The following CCZ1B variants were observed in gnomAD, a reference collection of about 807,000 sequenced individuals.
CCZ1B encodes the protein CCZ1B vacuolar protein trafficking and biogenesis associated, also known as vacuolar fusion protein CCZ1 homolog B.
CCZ1B carries 25 observed loss-of-function variants against 58.8 expected under a neutral mutation model. The observed-to-expected ratio is 0.43, with a 90% confidence interval of 0.31 to 0.59. The LOEUF (loss-of-function observed/expected upper bound fraction) is 0.59. Among genes scored for constraint, CCZ1B ranks in the 20% least tolerant of loss-of-function variants. The pLI, the probability that CCZ1B is intolerant of heterozygous loss-of-function variation, is 0.12. For missense variants in CCZ1B, 180 were observed against 501.5 expected (o/e 0.36, Z 6.12); for synonymous variants, 66 against 173.2 (o/e 0.38, Z 4.86).
At chr7:6,818,617 CAAG>C (rs1438864768) in intron 7 of CCZ1B, among the ~76,000 whole-genome samples, 4 of 92,454 alleles carry the variant, frequency 4.3e-5, no homozygotes, top group Admixed American at 1.4e-4. Context: ...GAAAGAAAGA[CAAG>C]AAAGAAAGAA....
At chr7:6,811,896 G>T in intron 10 of CCZ1B, 56 bp downstream of exon 10, 1 of 1,586,928 alleles carries the variant, frequency 6.3e-7, no homozygotes, top group Non-Finnish European at 8.6e-7. Context: ...GTGTACACAT[G>T]CAAGAAAGAT....
rs77830813 is a variant in CCZ1B, at chr7:6,811,730, A to T, written c.954+222T>A. The T allele has an allele frequency of 5.4e-5, 29 of 535,624 alleles. 1 individual carries two copies. Among genetic ancestry groups the T allele is most frequent in the Non-Finnish European group, 9.0e-5 (28 of 311,156 alleles). The allele number at this position is 535,624 out of a possible 1,614,324, so 33.2% of individuals were successfully genotyped here. ...AGACTTCACACGTTTATAAATCACA[A>T]TCTTAAACAGTTCCTCTTTCACTAA... On this transcript the variant is annotated intron_variant, in intron 10 of 14. Coordinates refer to ENST00000316731, the MANE Select transcript of CCZ1B (RefSeq NM_198097.5).
intron 1 of CCZ1B, among the ~76,000 whole-genome samples, chr7:6,825,119 T>C (rs1226397882): frequency 6.6e-6 from 1 of 150,472 alleles, no homozygotes; most frequent in African/African-American, 2.5e-5. Flanking sequence ...CCAGGTTTCT[T>C]TCCTAGTGCT....
chr7:6,799,459 G>C (rs1161328817), intron 14 of CCZ1B, 180 bp from the exon 15 acceptor site: 1 of 233,182 alleles, frequency 4.3e-6, no homozygotes, highest in Non-Finnish European at 6.6e-6. Flanking sequence ...ACAGAGTCTT[G>C]CTCTGTCACC....
chr7:6,813,498 A>G (rs1258596128), intron 8 of CCZ1B, among the ~76,000 whole-genome samples: 1 of 149,190 alleles, frequency 6.7e-6, no homozygotes, highest in Non-Finnish European at 1.5e-5. Flanking sequence ...GGACCGCTTG[A>G]GCCCAAGAGT....
intron 7 of CCZ1B, among the ~76,000 whole-genome samples, chr7:6,816,930 T>G (rs1783011328): frequency 6.7e-6 from 1 of 148,406 alleles, no homozygotes. Context: ...AGCTAATTTT[T>G]TTTTTGCATT....
At chr7:6,822,879 AT>A (rs961905117) in intron 5 of CCZ1B, among the ~76,000 whole-genome samples, 1 of 146,062 alleles carries the variant, frequency 6.8e-6, no homozygotes, top group Non-Finnish European at 1.5e-5. Context: ...CTTTTATAAA[AT>A]TTTTTTGTAG....
Position 6,824,448 on chromosome 7 carries a change from T to C in CCZ1B, c.312+7A>G, listed in dbSNP as rs539555796. 1.9e-6 allele frequency: 3 copies of C among 1,605,038 alleles called. No homozygotes were observed. The East Asian group carries it at 6.7e-5, about 36-fold the overall frequency. On this transcript the variant is annotated splice_region_variant and intron_variant, in intron 3 of 14. Coordinates refer to ENST00000316731, the MANE Select transcript of CCZ1B (RefSeq NM_198097.5). ...ATTTCAGAAAGATACACTGTGTGTG[T>C]AAATACCATGACCATCCAGAAATTT...
chr7:6,824,638 A>C lies in CCZ1B; in HGVS notation c.218+2T>G. 1 of 1,612,398 alleles carries C rather than the reference A, an allele frequency of 6.2e-7. No individual in the cohort carries two copies. The highest frequency in any genetic ancestry group is 8.5e-7 in the Non-Finnish European group (1 of 1,179,684). On this transcript the variant is annotated splice_donor_variant, in intron 2 of 14. Transcript: ENST00000316731. LOFTEE classifies it high-confidence loss of function. Reference sequence around the variant, plus strand: ...CGCTAAAGGCACACTTAGAGGTATTACCTTGTAAACTGTACAATAGCTTCA... The same window carrying C: ...CGCTAAAGGCACACTTAGAGGTATTCCCTTGTAAACTGTACAATAGCTTCA...
Position 6,824,657 on chromosome 7 carries a change from A to G in CCZ1B, c.201T>C (p.Ala67=). 1 of 1,612,044 alleles carries G rather than the reference A, an allele frequency of 6.2e-7. No individual in the cohort carries two copies. Among genetic ancestry groups the G allele is most frequent in the Non-Finnish European group, 8.5e-7 (1 of 1,179,614 alleles). Residue 67 remains alanine, a synonymous_variant, in exon 2 of 15, where the codon GCT becomes GCC. Transcript: ENST00000316731. ...EKIRNVGLCE[A]IVQFTRTFSP... ...GGTATTACCTTGTAAACTGTACAAT[A>G]GCTTCACACAATCCGACATTTCTAA...
At chr7:6,818,557 AAGAAAGAC>A (rs1404888696) in intron 7 of CCZ1B, among the ~76,000 whole-genome samples, 1 of 96,204 alleles carries the variant, frequency 1.0e-5, no homozygotes, top group Non-Finnish European at 2.4e-5. Context: ...GAAAGAAAGA[AAGAAAGAC>A]AGAAAGAAAG....
intron 10 of CCZ1B, among the ~76,000 whole-genome samples, chr7:6,809,893 T>C (rs1471240385): frequency 6.8e-6 from 1 of 146,492 alleles, no homozygotes; most frequent in Non-Finnish European, 1.5e-5. Flanking sequence ...ACTACTGTTC[T>C]GGATTCCCAA....
intron 7 of CCZ1B, among the ~76,000 whole-genome samples, chr7:6,816,681 C>G (rs866427511): frequency 2.1e-3 from 310 of 149,578 alleles, no homozygotes; most frequent in African/African-American, 7.7e-3. Context: ...TAGGTATGTG[C>G]ACCACGCCTG....
chr7:6,815,347 G>A (rs1432274995), intron 7 of CCZ1B, among the ~76,000 whole-genome samples: 2 of 149,270 alleles, frequency 1.3e-5, no homozygotes, highest in African/African-American at 5.1e-5. Flanking sequence ...ATTTTATGTA[G>A]AGATGGGGGT....
At chr7:6,814,568 C>T (rs1287323508) in intron 8 of CCZ1B, 196 bp downstream of exon 8, 2 of 456,578 alleles carry the variant, frequency 4.4e-6, no homozygotes, top group Non-Finnish European at 7.8e-6. Context: ...TTCTGTATCA[C>T]ATCTGAATGT....
Position 6,824,241 on chromosome 7 carries a change from T to C in CCZ1B, c.313-75A>G, listed in dbSNP as rs550494956. The stretch of plus-strand genomic sequence containing the variant: ...TTTATTTTGCCTTAATTTAAAAACT[T>C]TGAACATGCTACAGCACCAGAAACA... On this transcript the variant is annotated intron_variant, in intron 3 of 14. Transcript: ENST00000316731. The C allele has an allele frequency of 2.9e-5, 45 of 1,554,868 alleles. 4 individuals are homozygous for C. Among genetic ancestry groups the C allele is most frequent in the Admixed American group, 8.8e-5 (4 of 45,658 alleles).
rs1400829450 is a variant in CCZ1B, at chr7:6,814,909, G to A, written c.699-64C>T. 16 of 1,296,624 alleles carry A rather than the reference G, an allele frequency of 1.2e-5. No individual in the cohort carries two copies. The East Asian group carries it at 3.7e-4, about 30-fold the overall frequency. The allele number at this position is 1,296,624 out of a possible 1,614,324, so 80.3% of individuals were successfully genotyped here. ...CTGTCTTCTGTCTTTCCACTGCTGT[G>A]ATAAAGCTCATTAAACAAAAATTTT... On this transcript the variant is annotated intron_variant, in intron 7 of 14. Coordinates refer to ENST00000316731, the MANE Select transcript of CCZ1B (RefSeq NM_198097.5).
At chr7:6,822,923 C>T (rs1332922026) in intron 5 of CCZ1B, among the ~76,000 whole-genome samples, 3 of 145,710 alleles carry the variant, frequency 2.1e-5, no homozygotes, top group East Asian at 3.9e-4. Flanking sequence ...CCAGACTGGT[C>T]CTGAATTCCT....
intron 6 of CCZ1B, 64 bp from the exon 7 acceptor site, chr7:6,820,005 A>G: frequency 7.9e-7 from 1 of 1,268,478 alleles, no homozygotes; most frequent in Non-Finnish European, 1.1e-6. Context: ...CTCCTTGATA[A>G]CTGAAAATAA....
Sources: allele counts gnomAD v4.1 joint callset (sites outside exome capture counted in the v4.1 genomes callset), GRCh38; gene constraint gnomAD v4.1.1; transcripts MANE v1.5; gene names NCBI Gene and HGNC (gene_info 2026-07-23, HGNC 2026-07-21).